AVEN: variants seen among roughly 807,000 people sequenced by gnomAD.
AVEN encodes apoptosis and caspase activation inhibitor.
A neutral mutation model predicts 38.1 loss-of-function variants in AVEN; 41 were observed. That is an observed-to-expected ratio of 1.08 (90% CI 0.84 to 1.40). The LOEUF (loss-of-function observed/expected upper bound fraction) is 1.40. Ranked by LOEUF, AVEN falls within the 40% of genes most tolerant of loss-of-function variation. The pLI, the probability that AVEN is intolerant of heterozygous loss-of-function variation, is 0.00. For missense variants in AVEN, 605 were observed against 438.8 expected (o/e 1.38, Z -3.38); for synonymous variants, 206 against 171.8 (o/e 1.20, Z -1.56).
At chr15:34,027,533 A>AAAAT in intron 1 of AVEN, among the ~76,000 whole-genome samples, 1 of 151,554 alleles carries the variant, frequency 6.6e-6, no homozygotes, top group Non-Finnish European at 1.5e-5. Context: ...TGTCTCAAAA[A>AAAAT]AAAAAAAAGA....
At chr15:33,984,229 C>T (rs533689747) in intron 2 of AVEN, among the ~76,000 whole-genome samples, 5 of 152,044 alleles carry the variant, frequency 3.3e-5, no homozygotes, top group South Asian at 2.1e-4. Flanking sequence ...AGAAAGTACA[C>T]GGAAATTCAC....
intron 2 of AVEN, among the ~76,000 whole-genome samples, chr15:33,985,341 G>T (rs1896376499): frequency 1.2e-5 from 1 of 80,442 alleles, no homozygotes; most frequent in Non-Finnish European, 2.6e-5. Flanking sequence ...ACATGCTGTG[G>T]GCTTTATTAC....
intron 2 of AVEN, among the ~76,000 whole-genome samples, chr15:33,929,794 A>G (rs1255323236): frequency 6.6e-6 from 1 of 152,214 alleles, no homozygotes; most frequent in Non-Finnish European, 1.5e-5. Flanking sequence ...TGGGAAACAC[A>G]GTGTCCCTAA....
chr15:33,866,740 A>AAAAC lies in AVEN; in HGVS notation c.974-16_974-13dup, dbSNP rs777278609. ...TGGTTTTGCACAAACTGGGGGAAAA[A>AAAAC]AAACAATGTTAACACCCTCAGATGA... is the stretch of plus-strand genomic sequence containing the variant. On this transcript the variant is annotated splice_polypyrimidine_tract_variant and intron_variant, in intron 5 of 5. Transcript: ENST00000306730. 4 of 1,589,838 alleles carry AAAAC rather than the reference A, an allele frequency of 2.5e-6. No individual in the cohort carries two copies. Among genetic ancestry groups the AAAAC allele is most frequent in the Non-Finnish European group, 1.7e-6 (2 of 1,158,232 alleles).
Position 34,039,186 on chromosome 15 carries a change from G to A in AVEN, c.-140C>T. On this transcript the variant is annotated 5_prime_UTR_variant, in exon 1 of 6. Transcript: ENST00000306730. ...GCGAGGCGCGGGGTGCGGGGCTAGG[G>A]ATCGAGGCCGGCCGCAGCGGAGCGG... 1 of 703,678 alleles carries A rather than the reference G, an allele frequency of 1.4e-6. No homozygotes were observed. Among genetic ancestry groups the A allele is most frequent in the Non-Finnish European group, 1.8e-6 (1 of 564,192 alleles). The allele number at this position is 703,678 out of a possible 1,614,324, so 43.6% of individuals were successfully genotyped here.
At chr15:33,883,382 A>G (rs1466295231) in intron 2 of AVEN, among the ~76,000 whole-genome samples, 1 of 152,166 alleles carries the variant, frequency 6.6e-6, no homozygotes, top group Admixed American at 6.6e-5. Flanking sequence ...AGTCCATTTT[A>G]CAACAATGAT....
chr15:33,949,626 A>G (rs1290008271), intron 2 of AVEN, among the ~76,000 whole-genome samples: 1 of 152,146 alleles, frequency 6.6e-6, no homozygotes, highest in African/African-American at 2.4e-5. Context: ...TTTCTGGGTG[A>G]TGGAAACATT....
intron 5 of AVEN, among the ~76,000 whole-genome samples, chr15:34,060,722 C>A (rs528527244): frequency 6.6e-6 from 1 of 152,268 alleles, no homozygotes; most frequent in Non-Finnish European, 1.5e-5. Flanking sequence ...CTAAAAAGTA[C>A]AAAAATTAGC....
chr15:34,068,960 T>G (rs569567954), intron 2 of AVEN, among the ~76,000 whole-genome samples: 1 of 151,780 alleles, frequency 6.6e-6, no homozygotes, highest in Non-Finnish European at 1.5e-5. Context: ...TACAGGCGCC[T>G]GCCACCACGC....
chr15:33,872,106 T>TA (rs1303743714), intron 3 of AVEN, among the ~76,000 whole-genome samples: 1 of 152,078 alleles, frequency 6.6e-6, no homozygotes, highest in Admixed American at 6.5e-5. Context: ...CAACACCCAC[T>TA]AAGGATGCTA....
chr15:33,964,682 A>C (rs1006385372), intron 2 of AVEN, among the ~76,000 whole-genome samples: 3 of 152,200 alleles, frequency 2.0e-5, no homozygotes, highest in Non-Finnish European at 2.9e-5. Context: ...ATTTTAAAAC[A>C]CATTGCTATT....
chr15:33,909,018 C>G (rs1892817678), intron 2 of AVEN, among the ~76,000 whole-genome samples: 1 of 152,146 alleles, frequency 6.6e-6, no homozygotes, highest in African/African-American at 2.4e-5. Context: ...ATTTTTAATA[C>G]CCCCTGTAGT....
intron 1 of AVEN, among the ~76,000 whole-genome samples, chr15:34,018,855 T>C (rs1898075203): frequency 8.9e-6 from 1 of 112,050 alleles, no homozygotes; most frequent in Non-Finnish European, 2.0e-5. Flanking sequence ...TTTTACAGAG[T>C]GCTGATCAGT....
intron 2 of AVEN, among the ~76,000 whole-genome samples, chr15:33,925,436 A>G (rs1486019542): frequency 6.6e-6 from 1 of 152,234 alleles, no homozygotes; most frequent in African/African-American, 2.4e-5. Flanking sequence ...CTTTGGTTGA[A>G]GAAATGGGAC....
At chr15:33,864,084 G>C, downstream of AVEN, 1 of 1,358,578 alleles carries the variant, frequency 7.4e-7, no homozygotes, top group South Asian at 1.2e-5. Context: ...TAATCCATGC[G>C]AATGAACTTG....
chr15:34,007,001 ATT>A, intron 1 of AVEN: 1 of 908,936 alleles, frequency 1.1e-6, no homozygotes, highest in African/African-American at 1.8e-5. Flanking sequence ...TCATATAAAT[ATT>A]GTTACAAAAT....
intron 1 of AVEN, among the ~76,000 whole-genome samples, chr15:34,035,710 T>G (rs992275812): frequency 6.6e-6 from 1 of 152,242 alleles, no homozygotes; most frequent in Non-Finnish European, 1.5e-5. Flanking sequence ...CTTGTCTTCC[T>G]CTCTGCTAAC....
Position 33,873,486 on chromosome 15 carries a change from TATATATA to T in AVEN, c.516+2432_516+2438del, listed in dbSNP as rs1199105463. On this transcript the variant is annotated intron_variant, in intron 3 of 5. Coordinates refer to ENST00000306730, the MANE Select transcript of AVEN (RefSeq NM_020371.3). ...AATTACATATATGTGTGTGTGTACA[TATATATA>T]ATATATAATATATATATACACTCAA... Among the ~76,000 whole-genome samples, 417 of 148,228 alleles carry T rather than the reference TATATATA, an allele frequency of 2.8e-3. 1 individual carries two copies. The highest frequency in any genetic ancestry group is 4.1e-3 in the Non-Finnish European group (276 of 67,306).
chr15:33,853,622 A>G, the AVEN span: 1 of 1,614,004 alleles, frequency 6.2e-7, no homozygotes, highest in East Asian at 2.2e-5. Context: ...TTGGACAAAA[A>G]TGCTCTTGAC....
Sources: allele counts gnomAD v4.1 joint callset (sites outside exome capture counted in the v4.1 genomes callset), GRCh38; gene constraint gnomAD v4.1.1; transcripts MANE v1.5; gene names NCBI Gene and HGNC (gene_info 2026-07-23, HGNC 2026-07-21).